CSMD3: variants seen among roughly 807,000 people sequenced by gnomAD.
CSMD3 encodes the protein CUB and sushi domain-containing protein 3.
A neutral mutation model predicts 435.2 loss-of-function variants in CSMD3; 177 were observed. The ratio of observed to expected loss-of-function variants is 0.41; its 90% CI spans 0.36 to 0.46. The LOEUF (loss-of-function observed/expected upper bound fraction) is 0.46, where lower values mean the gene tolerates loss of function less well. Among genes scored for constraint, CSMD3 ranks in the 20% least tolerant of loss-of-function variants. CSMD3 has a pLI of 0.34. For synonymous variants in CSMD3, 1,656 were observed against 1,520.5 expected, an observed-to-expected ratio of 1.09 and a Z score of -2.07; for missense variants, 4,265 against 4,504.6, an observed-to-expected ratio of 0.95 and a Z score of 1.52.
intron 3 of CSMD3, among the ~76,000 whole-genome samples, chr8:113,267,760 T>G (rs1004241022): frequency 1.3e-5 from 2 of 151,840 alleles, no homozygotes; most frequent in Non-Finnish European, 3.0e-5. Context: ...ACTCAATCAC[T>G]ACATATTTTA....
intron 31 of CSMD3, among the ~76,000 whole-genome samples, chr8:112,478,874 T>C (rs1011051465): frequency 6.6e-6 from 1 of 152,062 alleles, no homozygotes; most frequent in African/African-American, 2.4e-5. Context: ...CCTTTTCCAA[T>C]AGTACCTACA....
At chr8:112,873,281 G>T (rs1317769312) in intron 10 of CSMD3, among the ~76,000 whole-genome samples, 5 of 151,892 alleles carry the variant, frequency 3.3e-5, no homozygotes, top group African/African-American at 1.2e-4. Context: ...AATTTTGGAA[G>T]ATTTTAGACC....
chr8:112,955,994 T>C (rs2084002984), intron 7 of CSMD3, among the ~76,000 whole-genome samples: 1 of 151,900 alleles, frequency 6.6e-6, no homozygotes, highest in Non-Finnish European at 1.5e-5. Flanking sequence ...AAAAGTAGGA[T>C]AGTAGAGAAA....
intron 47 of CSMD3, among the ~76,000 whole-genome samples, chr8:112,315,478 T>C (rs1822373083): frequency 6.6e-6 from 1 of 151,850 alleles, no homozygotes; most frequent in East Asian, 1.9e-4. Flanking sequence ...TTTTAATCTC[T>C]TACAAAATTT....
At chr8:112,282,103 G>A (rs559482803) in intron 58 of CSMD3, among the ~76,000 whole-genome samples, 281 of 151,974 alleles carry the variant, frequency 1.8e-3, no homozygotes, top group African/African-American at 6.5e-3. Flanking sequence ...ATATCAGAAG[G>A]CATTTTAGTA....
intron 6 of CSMD3, among the ~76,000 whole-genome samples, chr8:112,991,218 T>C (rs2085446205): frequency 6.6e-6 from 1 of 151,466 alleles, no homozygotes. Flanking sequence ...ATATAGTTGC[T>C]GAATTAAATA....
In CSMD3 at chr8:112,911,641, ATGTG is replaced by A. The variant is rs10609412; in HGVS notation, c.1633+9982_1633+9985del. 8.3e-3 allele frequency among the ~76,000 whole-genome samples: 1,222 copies of A among 147,040 alleles called. 10 individuals carry two copies. Among genetic ancestry groups the A allele is most frequent in the African/African-American group, 0.024 (981 of 40,114 alleles). ...ATTGTGTGTGTGTGTGTACATATAT[ATGTG>A]TGTGTGTGTGTGTGTGTGTGTGTAT... On this transcript the variant is annotated intron_variant, in intron 10 of 70. Coordinates refer to ENST00000297405, the MANE Select transcript of CSMD3 (RefSeq NM_198123.2).
intron 19 of CSMD3, among the ~76,000 whole-genome samples, chr8:112,646,672 ATTACTT>A (rs775103028): frequency 5.9e-5 from 9 of 152,184 alleles, no homozygotes; most frequent in Non-Finnish European, 1.3e-4. Context: ...CATTCGTACT[ATTACTT>A]TGACTAGAAT....
chr8:112,633,185 A>G (rs2074564163), intron 22 of CSMD3, among the ~76,000 whole-genome samples: 1 of 152,074 alleles, frequency 6.6e-6, no homozygotes. Context: ...GCATTTAAGC[A>G]ACATCAGATA....
intron 5 of CSMD3, among the ~76,000 whole-genome samples, chr8:113,048,428 T>C (rs2087939197): frequency 6.6e-6 from 1 of 152,112 alleles, no homozygotes; most frequent in South Asian, 2.1e-4. Context: ...TCAGTGGCAA[T>C]AAAGTGAATA....
chr8:113,013,476 G>A (rs1532798), intron 6 of CSMD3, among the ~76,000 whole-genome samples: 91,822 of 151,878 alleles, frequency 0.6, 29,368 homozygotes, highest in East Asian at 0.95. Context: ...AAATGAGATC[G>A]GGCGAGTTAA....
At chr8:112,724,007 AT>A (rs1405655519) in intron 13 of CSMD3, among the ~76,000 whole-genome samples, 1 of 152,118 alleles carries the variant, frequency 6.6e-6, no homozygotes, top group Non-Finnish European at 1.5e-5. Context: ...TTTGGAATTC[AT>A]ATTTCAGTGT....
intron 3 of CSMD3, among the ~76,000 whole-genome samples, chr8:113,232,690 A>G (rs541821933): frequency 1.3e-5 from 2 of 151,954 alleles, no homozygotes; most frequent in East Asian, 1.9e-4. Flanking sequence ...ATGTTGTAGA[A>G]TAACTTTTAA....
intron 3 of CSMD3, among the ~76,000 whole-genome samples, chr8:113,175,441 T>C (rs1472276797): frequency 2.0e-5 from 3 of 152,036 alleles, no homozygotes; most frequent in African/African-American, 7.2e-5. Flanking sequence ...ACAATTTTCT[T>C]AATAATACAT....
intron 32 of CSMD3, among the ~76,000 whole-genome samples, chr8:112,459,430 C>T (rs1415346975): frequency 6.6e-6 from 1 of 151,282 alleles, no homozygotes; most frequent in Non-Finnish European, 1.5e-5. Flanking sequence ...GACGTGGGTA[C>T]AGAAGAGTCA....
intron 32 of CSMD3, among the ~76,000 whole-genome samples, chr8:112,448,038 G>A (rs1364113959): frequency 1.3e-5 from 2 of 152,076 alleles, no homozygotes; most frequent in African/African-American, 4.8e-5. Context: ...AGTTAGCTCA[G>A]GCTGCCATAC....
Position 112,619,068 on chromosome 8 carries a change from C to T in CSMD3, c.3715+17749G>A, listed in dbSNP as rs546570007. ...CTACCTAGGACTGTTATGAGGATGA[C>T]ATATATGTAAAATTTTAAATCAGTG... On this transcript the variant is annotated intron_variant, in intron 22 of 70. Transcript: ENST00000297405. Among the ~76,000 whole-genome samples, 8 of 152,114 alleles carry T rather than the reference C, an allele frequency of 5.3e-5. No homozygotes were observed. The South Asian group carries it at 1.7e-3, about 32-fold the overall frequency.
chr8:112,524,189 T>C (rs551085802), intron 27 of CSMD3, among the ~76,000 whole-genome samples: 3 of 152,104 alleles, frequency 2.0e-5, no homozygotes, highest in Admixed American at 6.6e-5. Context: ...CAGTCAATGA[T>C]ATAATTTTTG....
intron 2 of CSMD3, among the ~76,000 whole-genome samples, chr8:113,302,239 A>G (rs28602206): frequency 9.2e-6 from 1 of 108,836 alleles, no homozygotes; most frequent in Admixed American, 1.0e-4. Flanking sequence ...TATAATATAT[A>G]ATATAATATA....
Sources: allele counts gnomAD v4.1 joint callset (sites outside exome capture counted in the v4.1 genomes callset), GRCh38; gene constraint gnomAD v4.1.1; transcripts MANE v1.5; gene names NCBI Gene and HGNC (gene_info 2026-07-23, HGNC 2026-07-21).